LRP8: variants seen among roughly 807,000 people sequenced by gnomAD.
The protein encoded by LRP8 is LDL receptor related protein 8, also known as low-density lipoprotein receptor-related protein 8.
A neutral mutation model predicts 111.6 loss-of-function variants in LRP8; 46 were observed. The ratio of observed to expected loss-of-function variants is 0.41; its 90% CI spans 0.33 to 0.53. The LOEUF (loss-of-function observed/expected upper bound fraction) is 0.53, where lower values mean the gene tolerates loss of function less well. Among genes scored for constraint, LRP8 ranks in the 20% least tolerant of loss-of-function variants. The pLI is 0.20. For missense variants in LRP8, 959 were observed against 1,297.4 expected (o/e 0.74, Z 4.01); for synonymous variants, 464 against 511.2 (o/e 0.91, Z 1.24).
chr1:53,290,280 G>A (rs1557813695), intron 2 of LRP8, among the ~76,000 whole-genome samples: 1 of 145,214 alleles, frequency 6.9e-6, no homozygotes, highest in Non-Finnish European at 1.5e-5. Flanking sequence ...CTGCTCTGGG[G>A]ATCTCAATCC....
chr1:53,287,520 G>A (rs1263399896), intron 3 of LRP8, among the ~76,000 whole-genome samples: 1 of 152,216 alleles, frequency 6.6e-6, no homozygotes, highest in Non-Finnish European at 1.5e-5. Context: ...GTGAGTAGCT[G>A]GAAGAGCCCA....
At chr1:53,284,962 C>T (rs1647330416) in intron 3 of LRP8, among the ~76,000 whole-genome samples, 1 of 152,174 alleles carries the variant, frequency 6.6e-6, no homozygotes, top group African/African-American at 2.4e-5. Flanking sequence ...CCTGGAACCT[C>T]ACTGTCTCTC....
intron 2 of LRP8, among the ~76,000 whole-genome samples, chr1:53,319,902 C>T (rs960579073): frequency 3.3e-5 from 5 of 152,252 alleles, no homozygotes; most frequent in Non-Finnish European, 7.3e-5. Context: ...GCCTGCAAGC[C>T]ACACTTTACT....
At chr1:53,285,606 A>C (rs1647411701) in intron 3 of LRP8, among the ~76,000 whole-genome samples, 1 of 152,176 alleles carries the variant, frequency 6.6e-6, no homozygotes, top group South Asian at 2.1e-4. Context: ...CTACACTCAG[A>C]GCCTGGAACA....
chr1:53,253,093 A>G (rs1234720800), intron 16 of LRP8, among the ~76,000 whole-genome samples: 3 of 152,186 alleles, frequency 2.0e-5, no homozygotes, highest in African/African-American at 7.2e-5. Context: ...TCTCTACCTC[A>G]TACGATACTC....
chr1:53,310,040 C>A (rs1221518064), intron 2 of LRP8, among the ~76,000 whole-genome samples: 2 of 152,110 alleles, frequency 1.3e-5, no homozygotes, highest in African/African-American at 4.8e-5. Flanking sequence ...GTCAGTTTAG[C>A]GGCCTTGAGC....
chr1:53,276,997 C>T lies in LRP8; in HGVS notation c.578G>A (p.Gly193Asp). 2.6e-6 allele frequency: 4 copies of T among 1,515,942 alleles called. No individual in the cohort carries two copies. Among genetic ancestry groups the T allele is most frequent in the East Asian group, 5.2e-5 (2 of 38,734 alleles). 93.9% of individuals were successfully genotyped at this position (1,515,942 alleles called of 1,614,324 possible). Residue 193 changes from glycine to aspartate, a missense_variant, in exon 5 of 19, where the codon GGT becomes GAT. Physicochemically the swap from Gly to Asp is moderately conservative, Grantham distance 94. This residue lies in a region of LRP8 where 819 missense variants were observed against 1,097.6 expected (regional missense o/e 0.75). Coordinates refer to ENST00000306052, the MANE Select transcript of LRP8 (RefSeq NM_004631.5). ...VFVCDGDDDC[G>D]DGSDERGCAD... ...ACAGCCGCGCTCATCGCTGCCGTCA[C>T]CACAGTCGTCGTCGCCGTCGCACAC...
intron 2 of LRP8, among the ~76,000 whole-genome samples, chr1:53,316,085 C>A (rs571716008): frequency 6.6e-6 from 1 of 152,354 alleles, no homozygotes; most frequent in African/African-American, 2.4e-5. Flanking sequence ...GGAACTCACA[C>A]ACTGAGGGCC....
chr1:53,259,229 G>A (rs949681172), intron 13 of LRP8, among the ~76,000 whole-genome samples: 1 of 152,000 alleles, frequency 6.6e-6, no homozygotes, highest in African/African-American at 2.4e-5. Flanking sequence ...CTCCCACCTC[G>A]GCCTCCCGAG....
intron 10 of LRP8, among the ~76,000 whole-genome samples, chr1:53,263,453 T>G (rs1213090343): frequency 6.6e-6 from 1 of 152,172 alleles, no homozygotes; most frequent in Non-Finnish European, 1.5e-5. Flanking sequence ...CTTAACATGA[T>G]ATAACGCTAA....
rs796549789 is a variant in LRP8 at position 53,260,029 on chromosome 1, C to T, written c.2056+435G>A. 6.6e-4 allele frequency among the ~76,000 whole-genome samples: 100 copies of T among 152,242 alleles called. 1 individual carries two copies. Among genetic ancestry groups the T allele is most frequent in the African/African-American group, 2.3e-3 (96 of 41,540 alleles). On this transcript the variant is annotated intron_variant, in intron 13 of 18. Coordinates refer to ENST00000306052, the MANE Select transcript of LRP8 (RefSeq NM_004631.5). Reference sequence around the variant, plus strand: ...CCAATAAGCTGACTTATTATATGGCCCTCGGATACATTAGCTTATACTACT... The same window carrying T: ...CCAATAAGCTGACTTATTATATGGCTCTCGGATACATTAGCTTATACTACT...
intron 2 of LRP8, among the ~76,000 whole-genome samples, chr1:53,290,788 T>A (rs761236821): frequency 1.4e-4 from 22 of 152,098 alleles, no homozygotes; most frequent in Non-Finnish European, 2.5e-4. Context: ...AGTTGCCCTG[T>A]CAGGACTTCC....
In LRP8 at chr1:53,246,582, A is replaced by ATTTTTTTTT. The variant is rs1645733166; in HGVS notation, c.*435_*436insAAAAAAAAA. The stretch of plus-strand genomic sequence containing the variant: ...TTTTTTTTTTTACTTATGTTGATGG[A>ATTTTTTTTT]TAGCCACAAAGCATAATCATCTTAT... On this transcript the variant is annotated 3_prime_UTR_variant, in exon 19 of 19. Coordinates refer to ENST00000306052, the MANE Select transcript of LRP8 (RefSeq NM_004631.5). 6.7e-6 allele frequency: 1 copy of ATTTTTTTTT among 149,496 alleles called. No individual in the cohort carries two copies. The allele number at this position is 149,496 out of a possible 1,614,324, so 9.3% of individuals were successfully genotyped here. A position where few individuals can be genotyped will look rare whatever the true frequency, so the allele number is the denominator to read the frequency against.
chr1:53,307,347 C>T (rs1339868930), intron 2 of LRP8: 1 of 152,334 alleles, frequency 6.6e-6, no homozygotes, highest in Non-Finnish European at 1.5e-5. Flanking sequence ...ACACAGCTGT[C>T]TGTGCCCACC....
intron 2 of LRP8, among the ~76,000 whole-genome samples, chr1:53,314,158 G>A (rs1295361152): frequency 6.6e-6 from 1 of 151,224 alleles, no homozygotes; most frequent in Non-Finnish European, 1.5e-5. Context: ...TTCAGCCACA[G>A]CCCCCCAGTG....
chr1:53,262,608 G>A lies in LRP8; in HGVS notation c.1656-44C>T, dbSNP rs1361670490. ...CAATTTGCCTTCTTGCTGGGGACAT[G>A]ACCGGGGTGGTCTGAGTCACAAGAG... is the stretch of plus-strand genomic sequence containing the variant. On this transcript the variant is annotated intron_variant, in intron 10 of 18. Transcript: ENST00000306052. This position sits in a 1 kb window ranked among gnomAD's most constrained non-coding sequence, Gnocchi z 4.8. The A allele has an allele frequency of 1.3e-6, 2 of 1,504,934 alleles. No homozygotes were observed. The highest frequency in any genetic ancestry group is 1.7e-5 in the Admixed American group (1 of 59,852). The allele number at this position is 1,504,934 out of a possible 1,614,324, so 93.2% of individuals were successfully genotyped here.
Position 53,266,653 on chromosome 1 carries a change from A to G in LRP8, c.1253-6T>C. 6.2e-7 allele frequency: 1 copy of G among 1,613,666 alleles called. No individual in the cohort carries two copies. Among genetic ancestry groups the G allele is most frequent in the South Asian group, 1.1e-5 (1 of 91,042 alleles). ...TAGGGATGGGCTCTTGCCAGCTGTC[A>G]TGCAGGGAGGTTGAAAGAGAAAGAG... On this transcript the variant is annotated splice_polypyrimidine_tract_variant and splice_region_variant and intron_variant, in intron 8 of 18. Coordinates refer to ENST00000306052, the MANE Select transcript of LRP8 (RefSeq NM_004631.5). The surrounding 1 kb of genome is among the most constrained non-coding windows in gnomAD (Gnocchi z 5.0).
At chr1:53,315,071 C>T (rs965553210) in intron 2 of LRP8, among the ~76,000 whole-genome samples, 1 of 152,172 alleles carries the variant, frequency 6.6e-6, no homozygotes, top group Non-Finnish European at 1.5e-5. Flanking sequence ...ATTTAGGGCA[C>T]AAAGCCAGGG....
chr1:53,269,616 C>G (rs11206131), intron 8 of LRP8, among the ~76,000 whole-genome samples: 2 of 152,088 alleles, frequency 1.3e-5, no homozygotes, highest in Non-Finnish European at 2.9e-5. Context: ...CACCCACCCC[C>G]CTTCACCTTC....
Sources: allele counts gnomAD v4.1 joint callset (sites outside exome capture counted in the v4.1 genomes callset), GRCh38; gene constraint gnomAD v4.1.1; regional missense constraint gnomAD v4.1.1; non-coding constraint Gnocchi (gnomAD v3.1); transcripts MANE v1.5; gene names NCBI Gene and HGNC (gene_info 2026-07-23, HGNC 2026-07-21).